The following LAMA5 variants were observed in gnomAD, a reference collection of about 807,000 sequenced individuals.
LAMA5 encodes laminin subunit alpha 5.
LAMA5 carries 260 observed loss-of-function variants against 433.4 expected under a neutral mutation model. That is an observed-to-expected ratio of 0.60 (90% CI 0.54 to 0.66). The LOEUF (loss-of-function observed/expected upper bound fraction) is 0.66, where lower values mean the gene tolerates loss of function less well. Ranked by LOEUF, LAMA5 falls within the 30% of genes least tolerant of loss-of-function variation. The pLI is 0.00. For missense variants in LAMA5, 5,378 were observed against 5,258.5 expected (o/e 1.02, Z -0.70); for synonymous variants, 2,620 against 2,226.6 (o/e 1.18, Z -4.97).
At chr20:62,365,438 C>A (rs1986612988) in intron 1 of LAMA5, among the ~76,000 whole-genome samples, 3 of 152,178 alleles carry the variant, frequency 2.0e-5, no homozygotes, top group Admixed American at 2.0e-4. Context: ...GGGTAATAAG[C>A]CCCCACAGAG....
chr20:62,310,258 G>A lies in LAMA5; in HGVS notation c.10654C>T (p.Leu3552=). The A allele has an allele frequency of 2.5e-6, 4 of 1,612,172 alleles. No individual in the cohort carries two copies. The highest frequency in any genetic ancestry group is 3.4e-6 in the Non-Finnish European group (4 of 1,179,698). The change falls in exon 77 of 80, where the codon CTG becomes TTG. Residue 3552 remains leucine (L), a synonymous_variant. Transcript: ENST00000252999. ...DVGLELEVRP[L]AVTGLIFHLG... is the part of the protein sequence containing the mutation. The stretch of plus-strand genomic sequence containing the variant: ...TGGAAGATCAGTCCGGTGACTGCCA[G>A]GGGCCGCACCTCCAGTTCCAGGCCC...
Position 62,310,454 on chromosome 20 carries a change from A to C in LAMA5, c.10565T>G (p.Leu3522Arg). 1 of 1,601,790 alleles carries C rather than the reference A, an allele frequency of 6.2e-7. No individual in the cohort carries two copies. Among genetic ancestry groups the C allele is most frequent in the Admixed American group, 1.7e-5 (1 of 57,824 alleles). The change falls in exon 76 of 80, where the codon CTG becomes CGG. Residue 3522 changes from leucine (L) to arginine (R), a missense_variant. By Grantham distance (102) the Leu-to-Arg change is moderately radical. Transcript: ENST00000252999. The stretch of plus-strand genomic sequence containing the variant: ...AACTCCCCCGCTGCCTGGGAAGAAC[A>C]GGCCCGCCTCCAGGGGGCCCAAGAT... ...PCILGPLEAG[L>R]FFPGSGGVIT...
intron 60 of LAMA5, 24 bp from the exon 61 acceptor site, chr20:62,314,749 T>C: frequency 3.7e-6 from 6 of 1,612,536 alleles, no homozygotes; most frequent in Non-Finnish European, 5.1e-6. Context: ...TCCATCAGCG[T>C]CCACCACCAC....
In LAMA5 at chr20:62,328,842, A is replaced by G; in HGVS notation, c.4447+2T>C. On this transcript the variant is annotated splice_donor_variant, in intron 34 of 79. Transcript: ENST00000252999. LOFTEE classifies it high-confidence loss of function. The stretch of plus-strand genomic sequence containing the variant: ...TGGGCGCCCAAGGACTGGGGTACTC[A>G]CGCCTGCAGTTGGGGAAGCCCCAGT... 1 of 1,610,728 alleles carries G rather than the reference A, an allele frequency of 6.2e-7. No individual in the cohort carries two copies. The highest frequency in any genetic ancestry group is 8.5e-7 in the Non-Finnish European group (1 of 1,179,302).
In LAMA5 at chr20:62,335,017, T is replaced by A; in HGVS notation, c.2482+4A>T. On this transcript the variant is annotated splice_donor_region_variant and intron_variant, in intron 20 of 79. Coordinates refer to ENST00000252999, the MANE Select transcript of LAMA5 (RefSeq NM_005560.6). ...TGGTCTGGGACGAGCGAGTGGGCAC[T>A]CACTGCGGCAGCCAAAATAGTCAGC... 6.2e-7 allele frequency: 1 copy of A among 1,612,052 alleles called. No individual in the cohort carries two copies.
Position 62,338,887 on chromosome 20 carries a change from A to G in LAMA5, c.1478-279T>C, listed in dbSNP as rs936045036. Among the ~76,000 whole-genome samples the G allele has an allele frequency of 2.6e-5, 4 of 152,132 alleles. No homozygotes were observed. The South Asian group carries it at 6.2e-4, about 24-fold the overall frequency. The stretch of plus-strand genomic sequence containing the variant: ...CCCTGTCTGTACTAAAAATACAAAA[A>G]TTAGCTGGGCGTAGTGGTGCACCCC... On this transcript the variant is annotated intron_variant, in intron 11 of 79. Coordinates refer to ENST00000252999, the MANE Select transcript of LAMA5 (RefSeq NM_005560.6).
Position 62,333,664 on chromosome 20 carries a change from T to G in LAMA5, c.2921A>C (p.Glu974Ala), listed in dbSNP as rs1980945710. 1 of 1,594,788 alleles carries G rather than the reference T, an allele frequency of 6.3e-7. No homozygotes were observed. Among genetic ancestry groups the G allele is most frequent in the Non-Finnish European group, 8.5e-7 (1 of 1,172,460 alleles). Residue 974 changes from glutamate to alanine, a missense_variant, in exon 24 of 80, where the codon GAG becomes GCG. Physicochemically the swap from Glu to Ala is moderately radical, Grantham distance 107. Coordinates refer to ENST00000252999, the MANE Select transcript of LAMA5 (RefSeq NM_005560.6). ...SQPVAFPPSTEPAFITVPQRG... is the reference protein window; with the variant it reads ...SQPVAFPPSTAPAFITVPQRG... ...CTGGGGCACGGTGATGAAGGCAGGC[T>G]CCGTGCTGGGTGGGAAGGCCACGGG...
At chr20:62,311,816 T>TGGGGGGCCCCC in intron 70 of LAMA5, 32 bp from the exon 71 acceptor site, 1 of 1,521,014 alleles carries the variant, frequency 6.6e-7, no homozygotes, top group Non-Finnish European at 8.9e-7. Context: ...GCTCGGTTTT[T>TGGGGGGCCCCC]CCCCACCCTG....
At chr20:62,317,050 G>T (rs769258562) in intron 55 of LAMA5, 27 bp from the exon 56 acceptor site, 16 of 1,513,020 alleles carry the variant, frequency 1.1e-5, no homozygotes, top group Non-Finnish European at 1.4e-5. Context: ...GGTCGAAGGA[G>T]TGGGTAAGCG....
chr20:62,312,507 C>A lies in LAMA5; in HGVS notation c.9253G>T (p.Gly3085Cys), dbSNP rs1227264188. 1 of 1,598,938 alleles carries A rather than the reference C, an allele frequency of 6.3e-7. No homozygotes were observed. Among genetic ancestry groups the A allele is most frequent in the East Asian group, 2.2e-5 (1 of 44,868 alleles). The change falls in exon 68 of 80, where the codon GGC becomes TGC. Residue 3085 changes from glycine to cysteine, a missense_variant. By Grantham distance (159) the Gly-to-Cys change is radical (BLOSUM62 -3). Transcript: ENST00000252999. ...CCTTTGACGCAGCCACGGACTGAGC[C>A]TCCGGTGGGGAAGAGCCGTCGCAGG... is the stretch of plus-strand genomic sequence containing the variant. ...PSLRRLFPTG[G>C]SVRGCVKGIK...
intron 70 of LAMA5, 63 bp downstream of exon 70, chr20:62,311,857 C>T: frequency 6.3e-6 from 9 of 1,419,216 alleles, no homozygotes; most frequent in Non-Finnish European, 8.8e-6. Context: ...GACAGAGGTC[C>T]AGGCAAGTGC....
Position 62,322,348 on chromosome 20 carries a change from G to C in LAMA5, c.6267C>G (p.His2089Gln). ...GGGGTCCCATGGTCCCTGGTCGGCA[G>C]TGGCACTGTCCGCTCTGGGGGTGGC... ...SECHPQSGQC[H>Q]CRPGTMGPQC... The change falls in exon 47 of 80, where the codon CAC becomes CAG. Residue 2089 changes from histidine (H) to glutamine (Q), a missense_variant. Coordinates refer to ENST00000252999, the MANE Select transcript of LAMA5 (RefSeq NM_005560.6). 6.3e-7 allele frequency: 1 copy of C among 1,595,932 alleles called. No individual in the cohort carries two copies. The highest frequency in any genetic ancestry group is 8.5e-7 in the Non-Finnish European group (1 of 1,172,946).
intron 1 of LAMA5, among the ~76,000 whole-genome samples, chr20:62,364,463 G>A (rs1016782701): frequency 3.9e-5 from 6 of 152,222 alleles, no homozygotes; most frequent in African/African-American, 1.4e-4. Flanking sequence ...CTGGGCCAGC[G>A]TTGGTCCAGT....
At chr20:62,365,508 G>T in intron 1 of LAMA5, among the ~76,000 whole-genome samples, 1 of 152,208 alleles carries the variant, frequency 6.6e-6, no homozygotes. Flanking sequence ...AGGCTGTGGG[G>T]GGGTGGTCTG....
chr20:62,334,689 C>A, intron 20 of LAMA5, 68 bp from the exon 21 acceptor site: 1 of 1,307,594 alleles, frequency 7.6e-7, no homozygotes, highest in Non-Finnish European at 1.0e-6. Context: ...CCCTCACAGC[C>A]AGACTGAGAA....
At chr20:62,356,025 A>C (rs112903289) in intron 2 of LAMA5, among the ~76,000 whole-genome samples, 1 of 152,338 alleles carries the variant, frequency 6.6e-6, no homozygotes, top group African/African-American at 2.4e-5. Context: ...CCCCTTCAGC[A>C]GGCCAGTCAC....
At chr20:62,356,234 AC>A (rs1985206078) in intron 2 of LAMA5, 1 of 152,314 alleles carries the variant, frequency 6.6e-6, no homozygotes, top group African/African-American at 2.4e-5. Flanking sequence ...TGGTGGCTGC[AC>A]AGATGGTCAC....
chr20:62,309,813 G>T lies in LAMA5; in HGVS notation c.10851C>A (p.Leu3617=). 1 of 1,611,466 alleles carries T rather than the reference G, an allele frequency of 6.2e-7. No individual in the cohort carries two copies. The change falls in exon 79 of 80, where the codon CTC becomes CTA. Residue 3617 remains leucine (L), a synonymous_variant. Transcript: ENST00000252999. ...RLAVMKSGNV[L]RLEVDAQSNH... is the part of the protein sequence containing the mutation. ...TGCTCTGCGCGTCCACCTCCAGCCG[G>T]AGCACATTCCCGCTTTTCATCACTG... is the stretch of plus-strand genomic sequence containing the variant.
Position 62,316,593 on chromosome 20 carries a change from T to C in LAMA5, c.7756+78A>G, listed in dbSNP as rs965642714. ...GTGACCCACAAACCCCACGTGTGCATGTGGCTGGGGGCTGAGGGTCCCTGG... is the reference window on the plus strand; with the variant it reads ...GTGACCCACAAACCCCACGTGTGCACGTGGCTGGGGGCTGAGGGTCCCTGG... On this transcript the variant is annotated intron_variant, in intron 57 of 79. Transcript: ENST00000252999. The C allele has an allele frequency of 8.9e-5, 101 of 1,138,518 alleles. No homozygotes were observed. In the African/African-American group the frequency reaches 1.5e-3, roughly 16 times the overall value. The allele number at this position is 1,138,518 out of a possible 1,614,324, so 70.5% of individuals were successfully genotyped here.
Sources: allele counts gnomAD v4.1 joint callset (sites outside exome capture counted in the v4.1 genomes callset), GRCh38; gene constraint gnomAD v4.1.1; transcripts MANE v1.5; gene names NCBI Gene and HGNC (gene_info 2026-07-23, HGNC 2026-07-21).